KCNU1: variants seen among roughly 807,000 people sequenced by gnomAD.
The protein encoded by KCNU1 is potassium calcium-activated channel subfamily U member 1.
In KCNU1, 93 loss-of-function variants were observed where a neutral mutation model predicts 126.8. The observed-to-expected ratio is 0.73, with a 90% CI of 0.62 to 0.87. KCNU1 has a LOEUF of 0.87. Among genes scored for constraint, KCNU1 ranks in the 40% least tolerant of loss-of-function variants. The pLI, the probability that KCNU1 is intolerant of heterozygous loss-of-function variation, is 0.00. For synonymous variants in KCNU1, 523 were observed against 494.2 expected, an observed-to-expected ratio of 1.06 and a Z score of -0.77; for missense variants, 1,330 against 1,367.1, an observed-to-expected ratio of 0.97 and a Z score of 0.43.
intron 19 of KCNU1, among the ~76,000 whole-genome samples, chr8:36,870,659 T>C (rs1424934064): frequency 6.6e-6 from 1 of 152,192 alleles, no homozygotes; most frequent in Non-Finnish European, 1.5e-5. Flanking sequence ...ATCTGAGCAA[T>C]TCCTTTTATC....
chr8:36,815,779 A>G, intron 9 of KCNU1, 92 bp downstream of exon 9: 1 of 721,474 alleles, frequency 1.4e-6, no homozygotes, highest in South Asian at 1.8e-5. Flanking sequence ...GCTTAGCTGT[A>G]GAACCCAAGG....
At chr8:36,826,565 C>A (rs769063342) in intron 10 of KCNU1, among the ~76,000 whole-genome samples, 50 of 152,070 alleles carry the variant, frequency 3.3e-4, no homozygotes, top group Non-Finnish European at 1.5e-4. Flanking sequence ...CTTTTTATAT[C>A]TCTGTGTTGC....
chr8:36,820,744 G>C (rs1804092716), intron 10 of KCNU1, among the ~76,000 whole-genome samples: 1 of 152,068 alleles, frequency 6.6e-6, no homozygotes, highest in Non-Finnish European at 1.5e-5. Flanking sequence ...ATCAAATTTA[G>C]GGTGCAATCT....
rs1429299814 is a variant in KCNU1, at chr8:36,879,209, G to GTA, written c.2009+14689_2009+14690insAT. 1.4e-3 allele frequency among the ~76,000 whole-genome samples: 123 copies of GTA among 86,662 alleles called. 1 individual carries two copies. The highest frequency in any genetic ancestry group is 3.8e-3 in the South Asian group (10 of 2,644). The allele number at this position is 86,662 out of a possible 152,430, so 56.9% of individuals were successfully genotyped here. On this transcript the variant is annotated intron_variant, in intron 19 of 26. Coordinates refer to ENST00000399881, the MANE Select transcript of KCNU1 (RefSeq NM_001031836.3). ...TATATGTATGTGTGTGTGTGTGTGT[G>GTA]TGTATATATATATATATATATATAT...
At chr8:36,898,689 A>C (rs905733766) in intron 19 of KCNU1, among the ~76,000 whole-genome samples, 1 of 152,120 alleles carries the variant, frequency 6.6e-6, no homozygotes, top group Non-Finnish European at 1.5e-5. Flanking sequence ...TCCAATACAC[A>C]AAGAAAACCT....
intron 4 of KCNU1, among the ~76,000 whole-genome samples, 162 bp downstream of exon 4, chr8:36,805,447 T>A (rs1387844784): frequency 1.3e-5 from 2 of 152,170 alleles, no homozygotes; most frequent in Non-Finnish European, 2.9e-5. Flanking sequence ...CTAAAAACTC[T>A]CTCTCCTGCA....
rs1466096468 is a variant in KCNU1 at position 36,840,551 on chromosome 8, G to T, written c.1607G>T (p.Gly536Val). ...LTQRLSDDFAGMSFPEVARLC... is the reference protein window; with the variant it reads ...LTQRLSDDFAVMSFPEVARLC... ...CAACGTCTCTCTGATGACTTTGCTG[G>T]AATGAGCTTTCCTGAAGTTGCCCGG... The change falls in exon 15 of 27, where the codon GGA becomes GTA. Residue 536 changes from glycine (G) to valine (V), a missense_variant. Gly to Val is a moderately radical substitution (Grantham distance 109). Transcript: ENST00000399881. The T allele has an allele frequency of 6.2e-7, 1 of 1,610,220 alleles. No homozygotes were observed. The highest frequency in any genetic ancestry group is 1.3e-5 in the African/African-American group (1 of 74,936).
intron 10 of KCNU1, among the ~76,000 whole-genome samples, chr8:36,819,297 A>G (rs1294347836): frequency 6.6e-6 from 1 of 152,138 alleles, no homozygotes; most frequent in Non-Finnish European, 1.5e-5. Context: ...TGAACTCATG[A>G]TCTTGTGTTC....
chr8:36,803,969 G>A (rs190008593), intron 2 of KCNU1, 58 bp from the exon 3 acceptor site: 27 of 1,171,340 alleles, frequency 2.3e-5, no homozygotes, highest in African/African-American at 7.6e-5. Flanking sequence ...CACTTTTGTC[G>A]ATTTATTTAA....
intron 6 of KCNU1, 27 bp downstream of exon 6, chr8:36,807,477 T>G: frequency 1.3e-6 from 2 of 1,507,120 alleles, no homozygotes; most frequent in Non-Finnish European, 1.8e-6. Context: ...GAAGTACTGC[T>G]TACTTATTAG....
chr8:36,887,977 C>A (rs1806784664), intron 19 of KCNU1, among the ~76,000 whole-genome samples: 1 of 152,118 alleles, frequency 6.6e-6, no homozygotes, highest in African/African-American at 2.4e-5. Context: ...TGAGGCTCAT[C>A]TAATCTCCTC....
intron 22 of KCNU1, among the ~76,000 whole-genome samples, chr8:36,913,290 G>A (rs1042125338): frequency 2.2e-4 from 34 of 152,054 alleles, no homozygotes; most frequent in Admixed American, 1.0e-3. Context: ...CTGGTTTTGG[G>A]GGAATGAGGT....
intron 19 of KCNU1, among the ~76,000 whole-genome samples, chr8:36,868,292 A>G (rs2117353565): frequency 6.6e-6 from 1 of 152,244 alleles, no homozygotes; most frequent in Middle Eastern, 3.4e-3. Flanking sequence ...TTGGCAACAT[A>G]TGTCTAGAGG....
chr8:36,929,007 A>G (rs940318408), intron 24 of KCNU1: 3 of 700,200 alleles, frequency 4.3e-6, no homozygotes, highest in African/African-American at 3.5e-5. Context: ...CAATGTGTGC[A>G]GTATATTTTA....
intron 20 of KCNU1, 82 bp downstream of exon 20, chr8:36,905,886 C>A (rs1046519343): frequency 1.5e-6 from 1 of 663,372 alleles, no homozygotes; most frequent in African/African-American, 1.9e-5. Flanking sequence ...TCATAAGCAC[C>A]TGTCACTTCC....
intron 10 of KCNU1, among the ~76,000 whole-genome samples, chr8:36,825,476 G>T (rs1804284493): frequency 6.6e-6 from 1 of 152,094 alleles, no homozygotes; most frequent in Non-Finnish European, 1.5e-5. Flanking sequence ...TTAACCTTTT[G>T]TTCTATTTAT....
intron 18 of KCNU1, among the ~76,000 whole-genome samples, chr8:36,856,775 G>C (rs1035940498): frequency 6.6e-6 from 1 of 152,164 alleles, no homozygotes; most frequent in Non-Finnish European, 1.5e-5. Flanking sequence ...TGGTTTCTAA[G>C]ACCAGTCTTT....
chr8:36,880,493 G>A (rs73590711), intron 19 of KCNU1, among the ~76,000 whole-genome samples: 2,906 of 152,204 alleles, frequency 0.019, 102 homozygotes, highest in African/African-American at 0.064. Context: ...TCGAACACAG[G>A]CTTTCTGAAT....
chr8:36,933,847 G>T (rs1435329234), intron 26 of KCNU1, among the ~76,000 whole-genome samples: 1 of 152,076 alleles, frequency 6.6e-6, no homozygotes, highest in Non-Finnish European at 1.5e-5. Flanking sequence ...GTGTTTATGG[G>T]AATTTTTATT....
Sources: gnomAD v4.1 joint callset for allele counts (sites outside exome capture counted in the v4.1 genomes callset) on GRCh38, gnomAD v4.1.1 for gene constraint, MANE v1.5 for transcripts, NCBI Gene and HGNC (gene_info 2026-07-23, HGNC 2026-07-21) for gene names.